Variants in STAU2 observed in about 807,000 individuals in gnomAD.
STAU2 encodes staufen double-stranded RNA binding protein 2, also known as double-stranded RNA-binding protein Staufen homolog 2.
In STAU2, 20 loss-of-function variants were observed where a neutral mutation model predicts 65.9. That is an observed-to-expected ratio of 0.30 (90% CI 0.21 to 0.44). The LOEUF is 0.44. Among genes scored for constraint, STAU2 ranks in the 20% least tolerant of loss-of-function variants. The pLI, the probability that STAU2 is intolerant of heterozygous loss-of-function variation, is 1.00. For synonymous variants in STAU2, 232 were observed against 233.9 expected (o/e 0.99, Z 0.07); for missense variants, 558 against 683.9 (o/e 0.82, Z 2.05).
At chr8:73,494,543 T>A (rs981433087) in intron 13 of STAU2, among the ~76,000 whole-genome samples, 1 of 151,696 alleles carries the variant, frequency 6.6e-6, no homozygotes, top group Admixed American at 6.6e-5. Context: ...AAGTTTAACT[T>A]CTCCTAAAAC....
At chr8:73,502,896 G>T (rs925505582) in intron 13 of STAU2, among the ~76,000 whole-genome samples, 2 of 151,864 alleles carry the variant, frequency 1.3e-5, no homozygotes, top group African/African-American at 4.8e-5. Flanking sequence ...ATTCAATAAA[G>T]GTTTATTGAA....
At chr8:73,431,441 G>C (rs1250624093) in intron 13 of STAU2, among the ~76,000 whole-genome samples, 1 of 152,234 alleles carries the variant, frequency 6.6e-6, no homozygotes, top group Non-Finnish European at 1.5e-5. Context: ...GCATTTTAGA[G>C]AAGTGGATGA....
At chr8:73,690,489 T>C (rs1819257047) in intron 4 of STAU2, among the ~76,000 whole-genome samples, 1 of 152,062 alleles carries the variant, frequency 6.6e-6, no homozygotes, top group Admixed American at 6.6e-5. Flanking sequence ...CATTAAGTAA[T>C]AGGTTTAGCC....
At chr8:73,451,524 T>A (rs1288549553) in intron 13 of STAU2, among the ~76,000 whole-genome samples, 1 of 151,840 alleles carries the variant, frequency 6.6e-6, no homozygotes, top group Non-Finnish European at 1.5e-5. Context: ...TCTAACACAG[T>A]GCCTACAAAT....
Position 73,700,833 on chromosome 8 carries a change from G to A in STAU2, c.114+8199C>T, listed in dbSNP as rs145279948. Among the ~76,000 whole-genome samples, 1,199 of 152,136 alleles carry A rather than the reference G, an allele frequency of 7.9e-3. 7 individuals carry two copies. The highest frequency in any genetic ancestry group is 0.014 in the Non-Finnish European group (921 of 67,964). On this transcript the variant is annotated intron_variant, in intron 4 of 14. Transcript: ENST00000524300. ...TAGCCAAAGCTATCCTGAGCAAAAAGAACATAACTGGAGGGACCACATTAT... is the reference window on the plus strand; with the variant it reads ...TAGCCAAAGCTATCCTGAGCAAAAAAAACATAACTGGAGGGACCACATTAT...
intron 6 of STAU2, among the ~76,000 whole-genome samples, chr8:73,628,476 T>G (rs1319082072): frequency 6.6e-6 from 1 of 152,194 alleles, no homozygotes. Context: ...TATTGTTTCT[T>G]TGAGTTGTAA....
chr8:73,441,431 T>TCG (rs148861490), intron 13 of STAU2: 9,908 of 152,024 alleles, frequency 0.065, 735 homozygotes, highest in African/African-American at 0.18. Flanking sequence ...TCTCAGCTAC[T>TCG]CGGGAGGCTG....
At chr8:73,688,960 C>T in intron 4 of STAU2, 147 bp from the exon 5 acceptor site, 1 of 930,542 alleles carries the variant, frequency 1.1e-6, no homozygotes, top group Non-Finnish European at 1.6e-6. Flanking sequence ...CAAAATCTTA[C>T]TCTACCTAGT....
intron 13 of STAU2, among the ~76,000 whole-genome samples, chr8:73,517,460 TA>T (rs1310259767): frequency 7.1e-6 from 1 of 141,814 alleles, no homozygotes; most frequent in African/African-American, 2.6e-5. Context: ...GAACTACTGA[TA>T]AGCAGCATAT....
Position 73,712,813 on chromosome 8 carries a change from A to G in STAU2, c.-17-3651T>C, listed in dbSNP as rs564103319. Reference sequence around the variant, plus strand: ...CTACAAAAAAATAAAAATATTAGCCATATGTCATGGCACATGCCTGTACTC... The same window carrying G: ...CTACAAAAAAATAAAAATATTAGCCGTATGTCATGGCACATGCCTGTACTC... On this transcript the variant is annotated intron_variant, in intron 3 of 14. Coordinates refer to ENST00000524300, the MANE Select transcript of STAU2 (RefSeq NM_001164380.2). Among the ~76,000 whole-genome samples the G allele has an allele frequency of 2.6e-4, 39 of 152,310 alleles. 1 individual carries two copies. The South Asian group carries it at 7.9e-3, about 31-fold the overall frequency.
intron 13 of STAU2, among the ~76,000 whole-genome samples, chr8:73,424,184 T>C (rs962770630): frequency 1.3e-5 from 2 of 150,754 alleles, no homozygotes; most frequent in African/African-American, 4.9e-5. Context: ...CAATGTATAT[T>C]TGAAGCTCCT....
intron 13 of STAU2, among the ~76,000 whole-genome samples, chr8:73,433,274 G>C (rs866770000): frequency 4.0e-5 from 6 of 151,418 alleles, no homozygotes; most frequent in Admixed American, 2.6e-4. Flanking sequence ...GTGCAATCTC[G>C]GCTCACTGGA....
chr8:73,519,362 T>C (rs185924373), intron 13 of STAU2, among the ~76,000 whole-genome samples: 1 of 152,352 alleles, frequency 6.6e-6, no homozygotes, highest in Admixed American at 6.5e-5. Context: ...TTCTGAGGAA[T>C]GCAGTCATGA....
At chr8:73,554,618 A>G (rs1443102375) in intron 12 of STAU2, among the ~76,000 whole-genome samples, 1 of 152,164 alleles carries the variant, frequency 6.6e-6, no homozygotes, top group African/African-American at 2.4e-5. Context: ...TTTCATGCTC[A>G]CCCGGCATAC....
At chr8:73,437,832 C>T (rs1490375879) in intron 13 of STAU2, among the ~76,000 whole-genome samples, 1 of 152,092 alleles carries the variant, frequency 6.6e-6, no homozygotes, top group African/African-American at 2.4e-5. Context: ...GAGAAGAGCT[C>T]GCCCTCCTGC....
intron 6 of STAU2, among the ~76,000 whole-genome samples, chr8:73,664,793 C>A (rs914489057): frequency 2.0e-5 from 3 of 152,122 alleles, no homozygotes; most frequent in Admixed American, 6.5e-5. Context: ...CAGATCAAGA[C>A]CAGCCTGGGC....
At chr8:73,535,231 G>A (rs370664963) in intron 13 of STAU2, among the ~76,000 whole-genome samples, 11 of 151,994 alleles carry the variant, frequency 7.2e-5, no homozygotes, top group African/African-American at 1.7e-4. Context: ...GTGCAGTGGC[G>A]TGATCTTGGC....
At chr8:73,543,580 T>C (rs949973622) in intron 13 of STAU2, among the ~76,000 whole-genome samples, 6 of 152,234 alleles carry the variant, frequency 3.9e-5, no homozygotes, top group Non-Finnish European at 5.9e-5. Flanking sequence ...TTATTGTATG[T>C]GTTCAGATGT....
chr8:73,699,810 C>T (rs898668130), intron 4 of STAU2, among the ~76,000 whole-genome samples: 2 of 144,376 alleles, frequency 1.4e-5, no homozygotes, highest in Non-Finnish European at 3.0e-5. Context: ...TGCTTCCAAA[C>T]TCATTCTGTG....
Sources: gnomAD v4.1 joint callset for allele counts (sites outside exome capture counted in the v4.1 genomes callset) on GRCh38, gnomAD v4.1.1 for gene constraint, MANE v1.5 for transcripts, NCBI Gene and HGNC (gene_info 2026-07-23, HGNC 2026-07-21) for gene names.